Variants in MAN2A1 observed in about 807,000 individuals in gnomAD.
The protein encoded by MAN2A1 is mannosidase alpha class 2A member 1.
Under a neutral mutation model 142.6 loss-of-function variants are expected in MAN2A1, and 76 were observed. The observed-to-expected ratio is 0.53, with a 90% CI of 0.44 to 0.65. MAN2A1 has a LOEUF of 0.65. Among genes scored for constraint, MAN2A1 ranks in the 30% least tolerant of loss-of-function variants. The probability of loss-of-function intolerance (pLI) is 0.00; values close to 1 mark genes in which losing one functional copy is unlikely to be tolerated. For missense variants in MAN2A1, 1,311 were observed against 1,365.1 expected (o/e 0.96, Z 0.62); for synonymous variants, 559 against 473.2 (o/e 1.18, Z -2.35).
At chr5:109,835,483 G>A (rs1452624676) in intron 16 of MAN2A1, among the ~76,000 whole-genome samples, 1 of 152,180 alleles carries the variant, frequency 6.6e-6, no homozygotes, top group Admixed American at 6.5e-5. Flanking sequence ...TGATTTGATA[G>A]CTATGTTAAA....
intron 12 of MAN2A1, among the ~76,000 whole-genome samples, chr5:109,817,040 C>T (rs1754480155): frequency 6.6e-6 from 1 of 152,066 alleles, no homozygotes; most frequent in Non-Finnish European, 1.5e-5. Flanking sequence ...TGCACTACAC[C>T]TGCTACTCCC....
intron 18 of MAN2A1, 60 bp downstream of exon 18, chr5:109,846,066 T>C: frequency 6.8e-7 from 1 of 1,472,948 alleles, no homozygotes; most frequent in Admixed American, 2.1e-5. Flanking sequence ...TGTATACTTT[T>C]TCTGTTGGTC....
intron 4 of MAN2A1, among the ~76,000 whole-genome samples, chr5:109,734,438 C>G (rs939576364): frequency 1.3e-5 from 2 of 151,600 alleles, no homozygotes; most frequent in Admixed American, 6.6e-5. Context: ...GCTCTTGTTT[C>G]TCTAGTTCTT....
At chr5:109,817,219 T>C in intron 12 of MAN2A1, 54 bp from the exon 13 acceptor site, 3 of 1,503,970 alleles carry the variant, frequency 2.0e-6, no homozygotes, top group Non-Finnish European at 2.8e-6. Context: ...TATATGTATA[T>C]GTAAGAAGTA....
intron 12 of MAN2A1, among the ~76,000 whole-genome samples, chr5:109,809,309 T>C (rs971537597): frequency 6.6e-5 from 10 of 152,122 alleles, no homozygotes; most frequent in African/African-American, 2.4e-4. Context: ...TGTTTTTTTG[T>C]GTTGTCATTT....
At chr5:109,750,836 G>A (rs941140057) in intron 4 of MAN2A1, among the ~76,000 whole-genome samples, 1 of 151,836 alleles carries the variant, frequency 6.6e-6, no homozygotes, top group Admixed American at 6.6e-5. Context: ...CTGTTTTATT[G>A]TATTTTTATA....
At chr5:109,795,242 G>A (rs1306304821) in intron 12 of MAN2A1, among the ~76,000 whole-genome samples, 1 of 152,058 alleles carries the variant, frequency 6.6e-6, no homozygotes, top group Non-Finnish European at 1.5e-5. Flanking sequence ...GTCTCTTGGG[G>A]AGGAAATGAG....
chr5:109,800,104 AAAC>A (rs1469590050), intron 12 of MAN2A1, among the ~76,000 whole-genome samples: 1 of 151,520 alleles, frequency 6.6e-6, no homozygotes, highest in Non-Finnish European at 1.5e-5. Flanking sequence ...AAAAAAAAAA[AAAC>A]AACCTCAGAC....
At chr5:109,715,603 G>A (rs1751430993) in intron 2 of MAN2A1, among the ~76,000 whole-genome samples, 1 of 152,042 alleles carries the variant, frequency 6.6e-6, no homozygotes, top group South Asian at 2.1e-4. Flanking sequence ...TTACTTCTAG[G>A]ATAAGATAGG....
chr5:109,819,270 T>A (rs949662398), intron 13 of MAN2A1, among the ~76,000 whole-genome samples: 6 of 152,176 alleles, frequency 3.9e-5, no homozygotes, highest in Admixed American at 1.3e-4. Context: ...TTAGGTGTAT[T>A]AAACACCTTT....
chr5:109,825,873 C>T (rs559914896), intron 16 of MAN2A1, among the ~76,000 whole-genome samples: 2 of 110,738 alleles, frequency 1.8e-5, no homozygotes, highest in Non-Finnish European at 4.1e-5. Context: ...CTTTTTTATT[C>T]TTTAGTTTTC....
intron 20 of MAN2A1, among the ~76,000 whole-genome samples, chr5:109,857,756 C>G (rs1362745108): frequency 6.6e-6 from 1 of 152,122 alleles, no homozygotes; most frequent in Non-Finnish European, 1.5e-5. Context: ...ATCCCGTTGC[C>G]TACTGAATTG....
rs559043313 is a variant in MAN2A1 at position 109,850,403 on chromosome 5, A to G, written c.2976+2613A>G. The stretch of plus-strand genomic sequence containing the variant: ...TTGGTAGACATTCTTTAAACAAAAT[A>G]CTAGTTGATTGAATGAAATAGCAAC... On this transcript the variant is annotated intron_variant, in intron 19 of 21. Transcript: ENST00000261483. 6.6e-5 allele frequency among the ~76,000 whole-genome samples: 10 copies of G among 152,328 alleles called. No individual in the cohort carries two copies. The South Asian group carries it at 1.4e-3, about 22-fold the overall frequency.
At chr5:109,788,307 C>A (rs1217263114) in intron 10 of MAN2A1, among the ~76,000 whole-genome samples, 1 of 151,224 alleles carries the variant, frequency 6.6e-6, no homozygotes, top group Non-Finnish European at 1.5e-5. Flanking sequence ...GGTCTGGAAT[C>A]AGTAGACTTT....
chr5:109,807,072 T>A (rs1435722293), intron 12 of MAN2A1, among the ~76,000 whole-genome samples: 1 of 152,208 alleles, frequency 6.6e-6, no homozygotes, highest in East Asian at 1.9e-4. Context: ...AGGCCATATT[T>A]GTTACTTAAC....
chr5:109,805,100 A>T (rs150070600), intron 12 of MAN2A1, among the ~76,000 whole-genome samples: 1 of 152,330 alleles, frequency 6.6e-6, no homozygotes, highest in African/African-American at 2.4e-5. Flanking sequence ...ACAAGGAAAT[A>T]GAACATCTTA....
chr5:109,789,631 T>C, intron 12 of MAN2A1, 104 bp downstream of exon 12: 1 of 745,806 alleles, frequency 1.3e-6, no homozygotes, highest in Non-Finnish European at 2.1e-6. Context: ...GCAATCAATT[T>C]ATTAATTAAA....
At chr5:109,751,972 T>C (rs719088) in intron 4 of MAN2A1, among the ~76,000 whole-genome samples, 12,882 of 152,096 alleles carry the variant, frequency 0.085, 642 homozygotes, top group African/African-American at 0.15. Context: ...TAACTCCTTT[T>C]GGATGTCACA....
At chr5:109,722,974 G>C (rs1259045620) in intron 3 of MAN2A1, among the ~76,000 whole-genome samples, 2 of 152,146 alleles carry the variant, frequency 1.3e-5, no homozygotes, top group East Asian at 3.9e-4. Flanking sequence ...ATTAATGAGG[G>C]AGGGGAGGAG....
Sources: gnomAD v4.1 joint callset for allele counts (sites outside exome capture counted in the v4.1 genomes callset) on GRCh38, gnomAD v4.1.1 for gene constraint, MANE v1.5 for transcripts, NCBI Gene and HGNC (gene_info 2026-07-23, HGNC 2026-07-21) for gene names.